Variants in KCND3 observed in about 807,000 individuals in gnomAD.
KCND3 encodes the protein potassium voltage-gated channel subfamily D member 3.
KCND3 carries 9 observed loss-of-function variants against 51.1 expected under a neutral mutation model. The observed-to-expected ratio is 0.18, with a 90% CI of 0.11 to 0.31. The LOEUF (loss-of-function observed/expected upper bound fraction) is 0.31, where lower values mean the gene tolerates loss of function less well. Among genes scored for constraint, KCND3 ranks in the 10% least tolerant of loss-of-function variants. The pLI is 1.00. For synonymous variants in KCND3, 349 were observed against 368.0 expected (o/e 0.95, Z 0.59); for missense variants, 526 against 903.8 (o/e 0.58, Z 5.36).
At chr1:111,827,266 T>C (rs1666620208) in intron 2 of KCND3, among the ~76,000 whole-genome samples, 1 of 152,084 alleles carries the variant, frequency 6.6e-6, no homozygotes, top group Admixed American at 6.5e-5. Context: ...TGCCCATGAG[T>C]GAAAGCAGAG....
At chr1:111,855,652 T>C (rs901463271) in intron 2 of KCND3, among the ~76,000 whole-genome samples, 4 of 152,160 alleles carry the variant, frequency 2.6e-5, no homozygotes, top group East Asian at 3.9e-4. Flanking sequence ...TATATGGGTC[T>C]AGGAGGACCA....
intron 2 of KCND3, among the ~76,000 whole-genome samples, chr1:111,899,353 C>G (rs988163869): frequency 9.9e-5 from 15 of 152,274 alleles, no homozygotes; most frequent in African/African-American, 3.6e-4. Context: ...CCTCTCCCTT[C>G]CATCTTTGCT....
Position 111,981,929 on chromosome 1 carries a change from G to A in KCND3, c.798C>T (p.Ala266=). The change falls in exon 2 of 8, where the codon GCC becomes GCT. Residue 266 remains alanine (A), a synonymous_variant. Coordinates refer to ENST00000302127, the MANE Select transcript of KCND3 (RefSeq NM_001378969.1). This position sits in a 1 kb window ranked among gnomAD's most constrained non-coding sequence, Gnocchi z 6.2. ...RSVMSIIDVV[A]IMPYYIGLVM... ...CCAGACCGATGTAGTAGGGCATGAT[G>A]GCCACCACGTCGATGATGCTCATGA... is the stretch of plus-strand genomic sequence containing the variant. The A allele has an allele frequency of 1.2e-6, 2 of 1,614,096 alleles. No homozygotes were observed. The highest frequency in any genetic ancestry group is 8.5e-7 in the Non-Finnish European group (1 of 1,180,000).
At chr1:111,872,701 A>G (rs1471678897) in intron 2 of KCND3, among the ~76,000 whole-genome samples, 1 of 152,194 alleles carries the variant, frequency 6.6e-6, no homozygotes, top group African/African-American at 2.4e-5. Flanking sequence ...TAAATGAACA[A>G]CACATTTATA....
chr1:111,807,007 C>T (rs560777125), intron 2 of KCND3, among the ~76,000 whole-genome samples: 2 of 152,332 alleles, frequency 1.3e-5, no homozygotes, highest in Non-Finnish European at 2.9e-5. Context: ...AGGTCCTGGA[C>T]TGGTAACATT....
At position 111,860,730 on chromosome 1, in the gene KCND3, T is replaced by C. The variant is rs533215345; in HGVS notation, c.1107-73624A>G. Among the ~76,000 whole-genome samples the C allele has an allele frequency of 2.0e-5, 3 of 152,344 alleles. No homozygotes were observed. In the South Asian group the frequency reaches 6.2e-4, roughly 32 times the overall value. ...GTGACCCCTGTTCTGTCCTTGCCCATGACAAGTGAGCTCTCCTCTCTCATT... is the reference window on the plus strand; with the variant it reads ...GTGACCCCTGTTCTGTCCTTGCCCACGACAAGTGAGCTCTCCTCTCTCATT... On this transcript the variant is annotated intron_variant, in intron 2 of 7. Coordinates refer to ENST00000302127, the MANE Select transcript of KCND3 (RefSeq NM_001378969.1).
At chr1:111,864,236 TGG>T (rs1668458005) in intron 2 of KCND3, among the ~76,000 whole-genome samples, 1 of 152,044 alleles carries the variant, frequency 6.6e-6, no homozygotes, top group Non-Finnish European at 1.5e-5. Context: ...TGATAAGAGC[TGG>T]GAAATAGCAC....
chr1:111,982,267 C>T lies in KCND3; in HGVS notation c.460G>A (p.Glu154Lys). The T allele has an allele frequency of 1.9e-6, 3 of 1,614,128 alleles. No individual in the cohort carries two copies. Among genetic ancestry groups the T allele is most frequent in the Non-Finnish European group, 2.5e-6 (3 of 1,180,030 alleles). Reference protein sequence around the residue: ...AERLMDDNDSENNQESMPSLS... With the variant: ...AERLMDDNDSKNNQESMPSLS... ...GAGGGCATGGACTCCTGGTTGTTCT[C>T]CGAGTCGTTGTCGTCCATGAGCCGC... Residue 154 changes from glutamate to lysine, a missense_variant, in exon 2 of 8, where the codon GAG (glutamate) becomes AAG (lysine). Physicochemically the swap from Glu to Lys is moderately conservative, Grantham distance 56. Transcript: ENST00000302127. The surrounding 1 kb of genome is among the most constrained non-coding windows in gnomAD (Gnocchi z 8.5).
In KCND3 at chr1:111,982,471, G is replaced by T. The variant is rs754042199; in HGVS notation, c.256C>A (p.Arg86=). 1 of 1,611,560 alleles carries T rather than the reference G, an allele frequency of 6.2e-7. No homozygotes were observed. Residue 86 remains arginine (R), a synonymous_variant, in exon 2 of 8, where the codon CGG becomes AGG. Transcript: ENST00000302127. The surrounding 1 kb of genome is among the most constrained non-coding windows in gnomAD (Gnocchi z 8.5). ...ACGCAGCGGAACACCTCGGGGTCCC[G>T]GTCGAAGAAGTACTCCTTGGTGTCC... The part of the protein sequence containing the change: ...NEDTKEYFFD[R]DPEVFRCVLN...
At chr1:111,936,282 C>T (rs1672216822) in intron 2 of KCND3, among the ~76,000 whole-genome samples, 1 of 152,116 alleles carries the variant, frequency 6.6e-6, no homozygotes, top group Non-Finnish European at 1.5e-5. Flanking sequence ...CTGCAACGTG[C>T]CAGCATTGGT....
At chr1:111,788,310 A>T (rs1664694326) in intron 2 of KCND3, among the ~76,000 whole-genome samples, 1 of 152,228 alleles carries the variant, frequency 6.6e-6, no homozygotes, top group Non-Finnish European at 1.5e-5. Flanking sequence ...GGGTGTCTGG[A>T]GCAGAAACAA....
At chr1:111,807,384 A>G (rs1253283292) in intron 2 of KCND3, among the ~76,000 whole-genome samples, 1 of 152,270 alleles carries the variant, frequency 6.6e-6, no homozygotes, top group East Asian at 1.9e-4. Flanking sequence ...ATTCAGTACG[A>G]TAACATGCTA....
intron 2 of KCND3, among the ~76,000 whole-genome samples, chr1:111,852,614 C>T (rs148568725): frequency 1.3e-5 from 2 of 152,140 alleles, no homozygotes; most frequent in East Asian, 1.9e-4. Flanking sequence ...GGGTTAATTA[C>T]GCACACACCA....
chr1:111,812,265 G>A (rs897323849), intron 2 of KCND3, among the ~76,000 whole-genome samples: 1 of 152,208 alleles, frequency 6.6e-6, no homozygotes, highest in African/African-American at 2.4e-5. Context: ...CACACCCTCA[G>A]GGCCAGCTGC....
chr1:111,918,015 T>G (rs1468219972), intron 2 of KCND3, among the ~76,000 whole-genome samples: 5 of 152,228 alleles, frequency 3.3e-5, no homozygotes, highest in Admixed American at 3.3e-4. Flanking sequence ...TGTCCTACCC[T>G]GCATATTTGG....
chr1:111,782,826 G>A (rs527527729), intron 3 of KCND3, among the ~76,000 whole-genome samples: 1 of 152,202 alleles, frequency 6.6e-6, no homozygotes, highest in South Asian at 2.1e-4. Flanking sequence ...AAATGTACTA[G>A]ATCATTTAAT....
intron 1 of KCND3, among the ~76,000 whole-genome samples, chr1:111,987,965 C>A (rs1373196239): frequency 6.6e-6 from 1 of 152,136 alleles, no homozygotes; most frequent in East Asian, 1.9e-4. Flanking sequence ...TCAGTTACTC[C>A]ATTAAACAGC....
chr1:111,939,249 C>G (rs567789181), intron 2 of KCND3, among the ~76,000 whole-genome samples: 1 of 152,190 alleles, frequency 6.6e-6, no homozygotes, highest in African/African-American at 2.4e-5. Flanking sequence ...TTTTAGTATA[C>G]TTTAAGTTTT....
intron 2 of KCND3, among the ~76,000 whole-genome samples, chr1:111,802,972 C>G (rs922331400): frequency 6.6e-6 from 1 of 152,220 alleles, no homozygotes; most frequent in Non-Finnish European, 1.5e-5. Context: ...GAGCTGCGTG[C>G]TGTACACTGG....
Sources: allele counts gnomAD v4.1 joint callset (sites outside exome capture counted in the v4.1 genomes callset), GRCh38; gene constraint gnomAD v4.1.1; non-coding constraint Gnocchi (gnomAD v3.1); transcripts MANE v1.5; gene names NCBI Gene and HGNC (gene_info 2026-07-23, HGNC 2026-07-21).